The following COBL variants were observed in gnomAD, a reference collection of about 807,000 sequenced individuals.
The protein encoded by COBL is cordon-bleu WH2 repeat protein.
A neutral mutation model predicts 98.8 loss-of-function variants in COBL; 51 were observed. That is an observed-to-expected ratio of 0.52 (90% CI 0.41 to 0.65). The LOEUF (loss-of-function observed/expected upper bound fraction) is 0.65. Among genes scored for constraint, COBL ranks in the 30% least tolerant of loss-of-function variants. The probability of loss-of-function intolerance (pLI) is 0.00; values close to 1 mark genes in which losing one functional copy is unlikely to be tolerated. For missense variants in COBL, 1,617 were observed against 1,617.5 expected, an observed-to-expected ratio of 1.00 and a Z score of 0.01; for synonymous variants, 634 against 651.7, an observed-to-expected ratio of 0.97 and a Z score of 0.41.
intron 6 of COBL, among the ~76,000 whole-genome samples, chr7:51,092,555 TG>T (rs1794910577): frequency 6.6e-6 from 1 of 152,244 alleles, no homozygotes; most frequent in Non-Finnish European, 1.5e-5. Context: ...CCCCATTGTG[TG>T]TTCTTGATAC....
At chr7:51,278,184 CAG>C (rs750963829) in intron 1 of COBL, among the ~76,000 whole-genome samples, 1 of 152,096 alleles carries the variant, frequency 6.6e-6, no homozygotes, top group Admixed American at 6.6e-5. Context: ...TCCACATTCA[CAG>C]AGACTCCCAC....
At chr7:51,187,898 C>T (rs1285985451) in intron 4 of COBL, 2 of 1,232,300 alleles carry the variant, frequency 1.6e-6, no homozygotes, top group African/African-American at 3.1e-5. Flanking sequence ...AGCGGGAAGC[C>T]CCAGGTTCAC....
At chr7:51,220,760 C>T (rs1054778624) in intron 1 of COBL, among the ~76,000 whole-genome samples, 1 of 152,110 alleles carries the variant, frequency 6.6e-6, no homozygotes, top group African/African-American at 2.4e-5. Context: ...CAGTACCCAA[C>T]AGGCGGTTTT....
chr7:51,091,191 G>C (rs1440104708), intron 6 of COBL, among the ~76,000 whole-genome samples: 3 of 152,070 alleles, frequency 2.0e-5, no homozygotes, highest in Non-Finnish European at 4.4e-5. Context: ...AACATCTAGA[G>C]AGAAATAACA....
intron 7 of COBL, chr7:51,065,322 G>C (rs1791805332): frequency 2.8e-6 from 2 of 703,436 alleles, no homozygotes; most frequent in Non-Finnish European, 5.2e-6. Flanking sequence ...AGGAACACTT[G>C]ATTTCAGGAT....
chr7:51,183,182 T>C (rs1789155468), intron 5 of COBL, among the ~76,000 whole-genome samples: 1 of 152,232 alleles, frequency 6.6e-6, no homozygotes, highest in South Asian at 2.1e-4. Flanking sequence ...TGCACCTATC[T>C]GCACCATGGC....
rs185777146 is a variant in COBL at position 51,149,759 on chromosome 7, C to T, written c.784-13428G>A. ...TAGCTGGGATTACATGTGCCCACCA[C>T]CACGCCTGGCTAATTATTGTATTCT... On this transcript the variant is annotated intron_variant, in intron 5 of 12. Coordinates refer to ENST00000265136, the MANE Select transcript of COBL (RefSeq NM_015198.5). Among the ~76,000 whole-genome samples the T allele has an allele frequency of 2.4e-4, 36 of 152,246 alleles. No homozygotes were observed. The East Asian group carries it at 3.9e-3, about 16-fold the overall frequency.
chr7:51,138,774 G>C (rs1393124819), intron 5 of COBL, among the ~76,000 whole-genome samples: 1 of 152,208 alleles, frequency 6.6e-6, no homozygotes, highest in Non-Finnish European at 1.5e-5. Flanking sequence ...CATGCCACCT[G>C]CTATCTCTAA....
chr7:51,268,877 C>T (rs956939158), intron 1 of COBL, among the ~76,000 whole-genome samples: 1 of 150,610 alleles, frequency 6.6e-6, no homozygotes, highest in African/African-American at 2.4e-5. Flanking sequence ...TTGTGGTGAG[C>T]CAAGATCGCG....
At chr7:51,221,126 G>A (rs528908028) in intron 1 of COBL, among the ~76,000 whole-genome samples, 1 of 152,220 alleles carries the variant, frequency 6.6e-6, no homozygotes, top group African/African-American at 2.4e-5. Flanking sequence ...TCCGGTGCCT[G>A]CACAGACATG....
chr7:51,268,160 A>G (rs554846778), intron 1 of COBL, among the ~76,000 whole-genome samples: 132 of 152,302 alleles, frequency 8.7e-4, no homozygotes, highest in African/African-American at 3.1e-3. Context: ...CCCACTCTCA[A>G]TAAAGAAATC....
intron 6 of COBL, among the ~76,000 whole-genome samples, chr7:51,098,296 A>T (rs1352378665): frequency 2.0e-5 from 3 of 146,710 alleles, no homozygotes; most frequent in Non-Finnish European, 4.4e-5. Flanking sequence ...ACTCCAAATA[A>T]CCAAAGCAAT....
chr7:51,315,570 C>T (rs1386949668), intron 1 of COBL, among the ~76,000 whole-genome samples: 1 of 152,184 alleles, frequency 6.6e-6, no homozygotes, highest in Non-Finnish European at 1.5e-5. Flanking sequence ...AGGGCTCACC[C>T]CAACCCTCAT....
chr7:51,097,780 T>G (rs1022592497), intron 6 of COBL, among the ~76,000 whole-genome samples: 3 of 152,046 alleles, frequency 2.0e-5, no homozygotes, highest in Admixed American at 1.3e-4. Context: ...TCCCAGCACT[T>G]TGGGAGGCCG....
At chr7:51,159,799 G>GA (rs944022998) in intron 5 of COBL, among the ~76,000 whole-genome samples, 6 of 151,936 alleles carry the variant, frequency 3.9e-5, no homozygotes, top group African/African-American at 7.3e-5. Context: ...AACACTCTGG[G>GA]AAAAAAATTC....
chr7:51,192,021 A>T (rs1026848479), intron 3 of COBL, among the ~76,000 whole-genome samples: 1 of 152,172 alleles, frequency 6.6e-6, no homozygotes, highest in African/African-American at 2.4e-5. Context: ...AATCATGCAG[A>T]TGCCTGGGCT....
At chr7:51,084,112 T>C (rs764043430) in intron 7 of COBL, among the ~76,000 whole-genome samples, 1 of 152,176 alleles carries the variant, frequency 6.6e-6, no homozygotes, top group African/African-American at 2.4e-5. Flanking sequence ...AGGTTATTGC[T>C]TCTTAAGGTA....
At position 51,190,843 on chromosome 7, in the gene COBL, G is replaced by T. The variant is rs1308673642; in HGVS notation, c.685+7C>A. 4 of 1,611,182 alleles carry T rather than the reference G, an allele frequency of 2.5e-6. No individual in the cohort carries two copies. Among genetic ancestry groups the T allele is most frequent in the Non-Finnish European group, 1.7e-6 (2 of 1,177,856 alleles). ...GGGCAGGTGCGTGAGACGCAGCGGG[G>T]CCTCACCTCTTCTGTTGTCCCACGC... is the stretch of plus-strand genomic sequence containing the variant. On this transcript the variant is annotated splice_region_variant and intron_variant, in intron 4 of 12. Transcript: ENST00000265136.
chr7:51,068,258 T>C (rs755808014), intron 7 of COBL, among the ~76,000 whole-genome samples: 3 of 152,238 alleles, frequency 2.0e-5, no homozygotes, highest in Non-Finnish European at 4.4e-5. Context: ...AAAGGTTGTA[T>C]GTGCACTCAC....
Sources: gnomAD v4.1 joint callset for allele counts (sites outside exome capture counted in the v4.1 genomes callset) on GRCh38, gnomAD v4.1.1 for gene constraint, MANE v1.5 for transcripts, NCBI Gene and HGNC (gene_info 2026-07-23, HGNC 2026-07-21) for gene names.